Variants in PFKFB3 observed in about 807,000 individuals in gnomAD.
PFKFB3 encodes the protein 6-phosphofructo-2-kinase/fructose-2,6-bisphosphatase 3.
Under a neutral mutation model 68.0 loss-of-function variants are expected in PFKFB3, and 33 were observed. That is an observed-to-expected ratio of 0.49 (90% CI 0.37 to 0.65). PFKFB3 has a LOEUF of 0.65. Among genes scored for constraint, PFKFB3 ranks in the 30% least tolerant of loss-of-function variants. PFKFB3 has a pLI of 0.00. For synonymous variants in PFKFB3, 315 were observed against 288.2 expected (o/e 1.09, Z -0.94); for missense variants, 586 against 712.2 (o/e 0.82, Z 2.02).
chr10:6,302,396 TTTTGAGAC>T, the PFKFB3 span, among the ~76,000 whole-genome samples: 1 of 61,830 alleles, frequency 1.6e-5, no homozygotes. Flanking sequence ...TTTTTTTTTT[TTTTGAGAC>T]GGAGTCTTGT....
At chr10:6,180,712 A>T (rs999880549) in intron 1 of PFKFB3, among the ~76,000 whole-genome samples, 46 of 152,248 alleles carry the variant, frequency 3.0e-4, no homozygotes, top group African/African-American at 1.1e-3. Flanking sequence ...CAGTCCTCTC[A>T]CCTCACCTTC....
intron 1 of PFKFB3, among the ~76,000 whole-genome samples, chr10:6,181,870 TCA>T (rs979213748): frequency 1.3e-4 from 19 of 146,622 alleles, no homozygotes; most frequent in African/African-American, 4.5e-4. Flanking sequence ...AGAATCACAC[TCA>T]CAGAGACAAA....
upstream of PFKFB3, among the ~76,000 whole-genome samples, chr10:6,201,605 C>G (rs897811272): frequency 4.6e-5 from 7 of 151,960 alleles, no homozygotes; most frequent in Non-Finnish European, 1.0e-4. The surrounding 1 kb of genome is among the most constrained non-coding windows in gnomAD (Gnocchi z 4.1). Context: ...CCCCGGTCGC[C>G]GCCTGGGCGC....
intron 1 of PFKFB3, among the ~76,000 whole-genome samples, chr10:6,150,255 A>G (rs1015628810): frequency 6.6e-6 from 1 of 152,192 alleles, no homozygotes; most frequent in African/African-American, 2.4e-5. Context: ...GGTGGTAGCA[A>G]GTGTTTCATA....
chr10:6,155,595 G>T (rs886773459), intron 1 of PFKFB3, among the ~76,000 whole-genome samples: 80 of 152,002 alleles, frequency 5.3e-4, no homozygotes, highest in Non-Finnish European at 9.4e-4. Flanking sequence ...AATGTCAAGG[G>T]CTCCACTGTA....
the PFKFB3 span, among the ~76,000 whole-genome samples, chr10:6,309,240 A>T: frequency 6.6e-6 from 1 of 152,292 alleles, no homozygotes; most frequent in East Asian, 1.9e-4. Context: ...GTAAGGCATT[A>T]TTGGCCATTT....
intron 1 of PFKFB3, chr10:6,146,632 T>G: frequency 1.2e-6 from 1 of 855,276 alleles, no homozygotes; most frequent in South Asian, 1.7e-5. Flanking sequence ...CGATGTAGGC[T>G]CTGGTTGGGA....
At chr10:6,324,437 T>C in the PFKFB3 span, among the ~76,000 whole-genome samples, 4 of 152,130 alleles carry the variant, frequency 2.6e-5, no homozygotes, top group Non-Finnish European at 5.9e-5. Flanking sequence ...TGTGTTTTGT[T>C]TTGTTTTGAG....
chr10:6,222,469 C>T (rs1354318503), intron 10 of PFKFB3, among the ~76,000 whole-genome samples: 2 of 152,228 alleles, frequency 1.3e-5, no homozygotes, highest in Admixed American at 1.3e-4. Context: ...TCCCTCACTG[C>T]ACAAAGAAAC....
At chr10:6,307,718 T>C in the PFKFB3 span, among the ~76,000 whole-genome samples, 1 of 152,066 alleles carries the variant, frequency 6.6e-6, no homozygotes, top group East Asian at 1.9e-4. Flanking sequence ...CCTGAGGTGA[T>C]GAAAATCCTT....
At chr10:6,257,989 GC>G (rs1291813545), downstream of PFKFB3, among the ~76,000 whole-genome samples, 1 of 152,154 alleles carries the variant, frequency 6.6e-6, no homozygotes, top group Non-Finnish European at 1.5e-5. Context: ...AACACCTAAA[GC>G]AAAAGCTCAC....
intron 1 of PFKFB3, among the ~76,000 whole-genome samples, chr10:6,161,575 TACACAC>T (rs138248884): frequency 1.3e-5 from 2 of 150,440 alleles, no homozygotes; most frequent in South Asian, 4.2e-4. Context: ...TGTATATATA[TACACAC>T]ACACATATAT....
chr10:6,176,545 C>T (rs888057533), intron 1 of PFKFB3, among the ~76,000 whole-genome samples: 1 of 152,004 alleles, frequency 6.6e-6, no homozygotes, highest in Non-Finnish European at 1.5e-5. Flanking sequence ...TAGCTGGGAC[C>T]ATAGGTGTGC....
At chr10:6,297,438 G>A in the PFKFB3 span, among the ~76,000 whole-genome samples, 1 of 152,184 alleles carries the variant, frequency 6.6e-6, no homozygotes, top group Non-Finnish European at 1.5e-5. Flanking sequence ...CAGGAGCAGG[G>A]CTGCTTCAGA....
chr10:6,325,329 T>C, the PFKFB3 span, among the ~76,000 whole-genome samples: 1 of 152,176 alleles, frequency 6.6e-6, no homozygotes, highest in Admixed American at 6.5e-5. Context: ...CATGTGCTTA[T>C]TGAAAATGAA....
the PFKFB3 span, among the ~76,000 whole-genome samples, chr10:6,277,251 T>TC: frequency 6.6e-6 from 1 of 152,002 alleles, no homozygotes; most frequent in African/African-American, 2.4e-5. Context: ...TCTTTTTTTT[T>TC]GAGACAGAGT....
chr10:6,218,522 G>A (rs2148289), intron 6 of PFKFB3, among the ~76,000 whole-genome samples: 140,844 of 151,972 alleles, frequency 0.93, 66,174 homozygotes, highest in East Asian at 1. Context: ...TCTGCCTCCC[G>A]GGTTCAAGCG....
chr10:6,226,071 T>A (rs1052919352), intron 13 of PFKFB3, 121 bp from the exon 14 acceptor site: 1 of 874,912 alleles, frequency 1.1e-6, no homozygotes, highest in Admixed American at 2.6e-5. Flanking sequence ...TCCCGGCCAC[T>A]CCCCTCGGTC....
At chr10:6,161,227 C>A (rs181699651) in intron 1 of PFKFB3, among the ~76,000 whole-genome samples, 54 of 152,286 alleles carry the variant, frequency 3.5e-4, no homozygotes, top group African/African-American at 1.3e-3. Context: ...TGAGCCACGG[C>A]GCCTGACCTC....
Sources: gnomAD v4.1 joint callset for allele counts (sites outside exome capture counted in the v4.1 genomes callset) on GRCh38, gnomAD v4.1.1 for gene constraint, Gnocchi (gnomAD v3.1) non-coding constraint, MANE v1.5 for transcripts, NCBI Gene and HGNC (gene_info 2026-07-23, HGNC 2026-07-21) for gene names.